NFIA: variants seen among roughly 807,000 people sequenced by gnomAD.
The protein encoded by NFIA is nuclear factor 1 A-type.
A neutral mutation model predicts 62.8 loss-of-function variants in NFIA; 8 were observed. The ratio of observed to expected loss-of-function variants is 0.13; its 90% CI spans 0.07 to 0.23. The LOEUF (loss-of-function observed/expected upper bound fraction) is 0.23. Ranked by LOEUF, NFIA falls within the 10% of genes least tolerant of loss-of-function variation. The pLI, the probability that NFIA is intolerant of heterozygous loss-of-function variation, is 1.00. For missense variants in NFIA, 410 were observed against 642.1 expected (o/e 0.64, Z 3.91); for synonymous variants, 235 against 238.1 (o/e 0.99, Z 0.12).
At chr1:61,116,525 A>G (rs1184782907) in intron 2 of NFIA, among the ~76,000 whole-genome samples, 2 of 152,088 alleles carry the variant, frequency 1.3e-5, no homozygotes, top group Non-Finnish European at 2.9e-5. Flanking sequence ...ACTGCCTGGC[A>G]TGCATCTTCT....
intron 3 of NFIA, among the ~76,000 whole-genome samples, chr1:61,299,777 T>C (rs1475431942): frequency 1.3e-5 from 2 of 152,188 alleles, no homozygotes; most frequent in Non-Finnish European, 2.9e-5. Context: ...GTTAATGTCT[T>C]AGTTCTGTGC....
intron 2 of NFIA, among the ~76,000 whole-genome samples, chr1:61,265,103 T>G (rs1657077221): frequency 6.6e-6 from 1 of 152,200 alleles, no homozygotes; most frequent in Admixed American, 6.5e-5. Flanking sequence ...ATCTTTGAAG[T>G]TTTGTAATTC....
chr1:61,158,132 G>A (rs1045987003), intron 2 of NFIA, among the ~76,000 whole-genome samples: 2 of 152,184 alleles, frequency 1.3e-5, no homozygotes, highest in African/African-American at 4.8e-5. Context: ...TTAAGCAAAT[G>A]GAGGCAATTG....
At chr1:61,432,349 C>T (rs1667134228) in intron 10 of NFIA, among the ~76,000 whole-genome samples, 1 of 151,784 alleles carries the variant, frequency 6.6e-6, no homozygotes, top group African/African-American at 2.4e-5. Flanking sequence ...AAGGCTCAGC[C>T]AGAAACCCCT....
chr1:61,406,826 G>A, intron 9 of NFIA, 99 bp downstream of exon 9: 1 of 1,303,608 alleles, frequency 7.7e-7, no homozygotes, highest in Non-Finnish European at 1.0e-6. Context: ...TCTAGAAAGA[G>A]GCACAGATCC....
chr1:61,354,302 A>T (rs1358682942), intron 5 of NFIA, among the ~76,000 whole-genome samples: 2 of 152,330 alleles, frequency 1.3e-5, no homozygotes, highest in East Asian at 1.9e-4. Context: ...GATGATTTTT[A>T]AAATTCTTTA....
At chr1:61,298,294 G>A (rs1659299710) in intron 3 of NFIA, among the ~76,000 whole-genome samples, 1 of 152,058 alleles carries the variant, frequency 6.6e-6, no homozygotes, top group Non-Finnish European at 1.5e-5. Context: ...AACCAGGATT[G>A]TAAGTTTCCT....
At chr1:61,083,895 C>T (rs548174965) in intron 1 of NFIA, among the ~76,000 whole-genome samples, 2 of 152,108 alleles carry the variant, frequency 1.3e-5, no homozygotes, top group African/African-American at 2.4e-5. Flanking sequence ...CCTTTCCGTG[C>T]CCCCCTGTCC....
intron 2 of NFIA, among the ~76,000 whole-genome samples, chr1:61,199,083 G>C (rs1395571746): frequency 1.3e-5 from 2 of 152,150 alleles, no homozygotes; most frequent in Non-Finnish European, 2.9e-5. Context: ...GTGAAGAAAC[G>C]TGGCTGGTAC....
chr1:61,291,353 T>C (rs1189994080), intron 3 of NFIA, among the ~76,000 whole-genome samples: 2 of 152,212 alleles, frequency 1.3e-5, no homozygotes, highest in African/African-American at 2.4e-5. Context: ...TAGGAAAGCA[T>C]AACTTTGAAA....
chr1:61,418,465 G>GA (rs35438395), intron 9 of NFIA, among the ~76,000 whole-genome samples: 36 of 146,918 alleles, frequency 2.5e-4, no homozygotes, highest in South Asian at 2.4e-3. Flanking sequence ...TCTCAAAAAA[G>GA]AAAAAAAAAA....
intron 10 of NFIA, among the ~76,000 whole-genome samples, chr1:61,448,691 G>A (rs991906693): frequency 6.6e-6 from 1 of 152,142 alleles, no homozygotes; most frequent in Admixed American, 6.5e-5. Context: ...TGGCTCTTAC[G>A]GCTATGCACA....
chr1:61,163,838 T>G (rs528829498), intron 2 of NFIA, among the ~76,000 whole-genome samples: 11 of 152,318 alleles, frequency 7.2e-5, no homozygotes, highest in African/African-American at 2.2e-4. Flanking sequence ...AGGAATGAAG[T>G]AGGCCATAGA....
chr1:61,293,006 A>G (rs1290248405), intron 3 of NFIA, among the ~76,000 whole-genome samples: 1 of 152,182 alleles, frequency 6.6e-6, no homozygotes, highest in East Asian at 1.9e-4. Flanking sequence ...CTACCTGTAG[A>G]AATTATGTGT....
chr1:61,416,764 G>GC (rs1004696279), intron 9 of NFIA, among the ~76,000 whole-genome samples: 1 of 151,914 alleles, frequency 6.6e-6, no homozygotes, highest in Non-Finnish European at 1.5e-5. Flanking sequence ...GGAATTATTA[G>GC]CCCCTTTTAA....
chr1:61,155,917 A>G (rs1417775094), intron 2 of NFIA, among the ~76,000 whole-genome samples: 1 of 152,028 alleles, frequency 6.6e-6, no homozygotes, highest in Non-Finnish European at 1.5e-5. Context: ...TGGATGGATC[A>G]CCTGAGGTCA....
At chr1:61,278,273 A>G (rs1657933262) in intron 3 of NFIA, among the ~76,000 whole-genome samples, 1 of 152,208 alleles carries the variant, frequency 6.6e-6, no homozygotes, top group Admixed American at 6.5e-5. Flanking sequence ...AAATACTGTC[A>G]TGGGTTGGAG....
At chr1:61,401,384 G>A (rs970405612) in intron 7 of NFIA, among the ~76,000 whole-genome samples, 15 of 152,150 alleles carry the variant, frequency 9.9e-5, no homozygotes, top group African/African-American at 3.6e-4. Flanking sequence ...AATAAAAAAC[G>A]AAGGTCTAAA....
At chr1:61,150,542 G>T (rs1291428831) in intron 2 of NFIA, among the ~76,000 whole-genome samples, 1 of 152,138 alleles carries the variant, frequency 6.6e-6, no homozygotes, top group African/African-American at 2.4e-5. Flanking sequence ...TACTGAGAAG[G>T]TATTTTGGGG....
Sources: gnomAD v4.1 joint callset for allele counts (sites outside exome capture counted in the v4.1 genomes callset) on GRCh38, gnomAD v4.1.1 for gene constraint, MANE v1.5 for transcripts, NCBI Gene and HGNC (gene_info 2026-07-23, HGNC 2026-07-21) for gene names.